KIF4A: variants seen among roughly 807,000 people sequenced by gnomAD.
The protein encoded by KIF4A is chromosome-associated kinesin KIF4A.
A neutral mutation model predicts 105.9 loss-of-function variants in KIF4A; 7 were observed. The ratio of observed to expected loss-of-function variants is 0.07; its 90% CI spans 0.04 to 0.12. KIF4A has a LOEUF of 0.12. KIF4A is among the 10% of genes least tolerant of loss of function. The pLI is 1.00. For missense variants in KIF4A, 558 were observed against 929.2 expected (o/e 0.60, Z 5.19); for synonymous variants, 281 against 331.3 (o/e 0.85, Z 1.65).
At chrX:70,420,039 A>T in intron 30 of KIF4A, 23 bp from the exon 31 acceptor site, 2 of 1,201,251 alleles carry the variant, frequency 1.7e-6, no homozygotes, top group African/African-American at 1.7e-5. Flanking sequence ...AAGTCTATTC[A>T]TACCTGTCTC....
intron 7 of KIF4A, among the ~76,000 whole-genome samples, chrX:70,310,935 G>A (rs1231891775): frequency 9.1e-6 from 1 of 109,973 alleles, no homozygotes. Context: ...AGACCAGCCT[G>A]AGCAATATAG....
At chrX:70,300,587 A>G (rs562981520) in intron 5 of KIF4A, among the ~76,000 whole-genome samples, 2 of 111,994 alleles carry the variant, frequency 1.8e-5, no homozygotes, top group African/African-American at 6.5e-5. Context: ...TGTCTGGATT[A>G]GAGGATTTGG....
intron 15 of KIF4A, among the ~76,000 whole-genome samples, chrX:70,365,117 G>C (rs1209265107): frequency 2.7e-5 from 3 of 111,869 alleles, no homozygotes; most frequent in African/African-American, 9.8e-5. Flanking sequence ...TGCTGAAGTT[G>C]CTTATCAGCT....
intron 18 of KIF4A, among the ~76,000 whole-genome samples, chrX:70,380,315 A>C (rs2086192507): frequency 8.9e-6 from 1 of 112,317 alleles, no homozygotes; most frequent in Non-Finnish European, 1.9e-5. Flanking sequence ...CTCAAAAAAA[A>C]AAAGGATGAT....
intron 7 of KIF4A, among the ~76,000 whole-genome samples, chrX:70,309,638 G>A (rs774782485): frequency 3.6e-5 from 4 of 112,395 alleles, no homozygotes; most frequent in South Asian, 7.3e-4. Context: ...TAGACAGTGC[G>A]ATACTTTGAT....
chrX:70,312,912 AT>A (rs1290757170), intron 7 of KIF4A, among the ~76,000 whole-genome samples: 2 of 111,987 alleles, frequency 1.8e-5, no homozygotes, highest in Admixed American at 1.9e-4. Flanking sequence ...TTTCTAATGT[AT>A]TGCATTATGT....
intron 7 of KIF4A, among the ~76,000 whole-genome samples, chrX:70,328,930 T>C (rs1378746557): frequency 8.9e-6 from 1 of 111,941 alleles, no homozygotes; most frequent in African/African-American, 3.2e-5. Flanking sequence ...AATCTTGAGA[T>C]AGAATCTCAG....
intron 3 of KIF4A, among the ~76,000 whole-genome samples, chrX:70,295,338 G>A (rs1410915593): frequency 9.2e-6 from 1 of 108,655 alleles, no homozygotes; most frequent in African/African-American, 3.4e-5. Flanking sequence ...ATCACACCCA[G>A]CTAATTTTTG....
intron 22 of KIF4A, among the ~76,000 whole-genome samples, chrX:70,398,204 A>C (rs2147735575): frequency 9.0e-6 from 1 of 111,090 alleles, no homozygotes; most frequent in Admixed American, 9.6e-5. Context: ...TGCCTGGCTA[A>C]TTTTTGTATT....
At chrX:70,366,681 G>A (rs751532970) in intron 15 of KIF4A, among the ~76,000 whole-genome samples, 21 of 111,792 alleles carry the variant, frequency 1.9e-4, no homozygotes, top group Admixed American at 4.8e-4. Context: ...TATGTGGTCA[G>A]TTTTGGAATA....
chrX:70,366,348 C>T (rs1244269760), intron 15 of KIF4A, among the ~76,000 whole-genome samples: 4 of 111,244 alleles, frequency 3.6e-5, no homozygotes, highest in Admixed American at 1.9e-4. Context: ...TGTTGGGGTG[C>T]CAATTTTAGA....
chrX:70,419,554 G>C, intron 29 of KIF4A, 107 bp from the exon 30 acceptor site: 1 of 976,737 alleles, frequency 1.0e-6, no homozygotes, highest in Non-Finnish European at 1.5e-6. Context: ...TGCTTCAGCT[G>C]ACTAATCAGG....
intron 13 of KIF4A, among the ~76,000 whole-genome samples, chrX:70,350,534 A>C (rs1385802998): frequency 9.2e-6 from 1 of 108,721 alleles, no homozygotes; most frequent in African/African-American, 3.4e-5. Flanking sequence ...GGAGAGGGAG[A>C]GGGAGCTGGG....
At chrX:70,353,838 A>G (rs1161809315) in intron 15 of KIF4A, 31 bp downstream of exon 15, 17 of 1,064,272 alleles carry the variant, frequency 1.6e-5, no homozygotes, top group African/African-American at 3.8e-5. Context: ...GTATTTGTTC[A>G]TGTCTACAGT....
intron 15 of KIF4A, among the ~76,000 whole-genome samples, chrX:70,369,460 G>A (rs1295709549): frequency 8.9e-6 from 1 of 112,083 alleles, no homozygotes; most frequent in Non-Finnish European, 1.9e-5. Flanking sequence ...ATCAAATGTT[G>A]ACAAGGGTGC....
intron 28 of KIF4A, among the ~76,000 whole-genome samples, chrX:70,408,810 T>C (rs771117399): frequency 8.9e-6 from 1 of 112,469 alleles, no homozygotes; most frequent in Non-Finnish European, 1.9e-5. Context: ...AAGCCTACCA[T>C]AGAACCTCAG....
At chrX:70,331,127 A>G (rs12836398) in intron 9 of KIF4A, among the ~76,000 whole-genome samples, 2 of 108,561 alleles carry the variant, frequency 1.8e-5, no homozygotes, top group African/African-American at 3.4e-5. Flanking sequence ...GTGCCTTGGT[A>G]TCCCTATCTG....
intron 15 of KIF4A, among the ~76,000 whole-genome samples, chrX:70,371,592 G>A (rs1166493250): frequency 6.7e-5 from 7 of 105,178 alleles, no homozygotes; most frequent in African/African-American, 2.4e-4. Flanking sequence ...GGGGCAGCTG[G>A]CCGGGCGGGG....
intron 7 of KIF4A, among the ~76,000 whole-genome samples, chrX:70,326,574 A>G (rs2085911756): frequency 8.9e-6 from 1 of 111,876 alleles, no homozygotes; most frequent in Non-Finnish European, 1.9e-5. Flanking sequence ...TCTCTCCTTT[A>G]TTATTTATTT....
Sources: gnomAD v4.1 joint callset for allele counts (sites outside exome capture counted in the v4.1 genomes callset) on GRCh38, gnomAD v4.1.1 for gene constraint, MANE v1.5 for transcripts, NCBI Gene and HGNC (gene_info 2026-07-23, HGNC 2026-07-21) for gene names.